Variants in TMEM41B observed in about 807,000 individuals in gnomAD.
TMEM41B encodes transmembrane protein 41B.
A neutral mutation model predicts 31.9 loss-of-function variants in TMEM41B; 18 were observed. That is an observed-to-expected ratio of 0.56 (90% CI 0.39 to 0.84). The LOEUF is 0.84. TMEM41B is among the 40% of genes least tolerant of loss of function. The pLI is 0.00. For missense variants in TMEM41B, 322 were observed against 348.0 expected, an observed-to-expected ratio of 0.93 and a Z score of 0.59; for synonymous variants, 144 against 124.3, an observed-to-expected ratio of 1.16 and a Z score of -1.05.
In TMEM41B at chr11:9,282,116, G is replaced by A. The variant is rs995551771; in HGVS notation, c.*1308C>T. 9.2e-5 allele frequency: 14 copies of A among 152,258 alleles called. No homozygotes were observed. Among genetic ancestry groups the A allele is most frequent in the African/African-American group, 3.4e-4 (14 of 41,550 alleles). 9.4% of individuals were successfully genotyped at this position (152,258 alleles called of 1,614,324 possible). ...TACCAGGCTGGGCACAGTGGCTCATGCCTGTAATCCCAGCACTTTGGGAGG... is the reference window on the plus strand; with the variant it reads ...TACCAGGCTGGGCACAGTGGCTCATACCTGTAATCCCAGCACTTTGGGAGG... On this transcript the variant is annotated 3_prime_UTR_variant, in exon 7 of 7. Transcript: ENST00000528080.
chr11:9,313,677 T>C (rs1330436876), intron 1 of TMEM41B, among the ~76,000 whole-genome samples: 20 of 152,224 alleles, frequency 1.3e-4, no homozygotes, highest in East Asian at 1.9e-4. Flanking sequence ...TAATTGCTAA[T>C]ATTTATTTAG....
At chr11:9,299,325 T>TACATACAC (rs1554943934) in intron 2 of TMEM41B, among the ~76,000 whole-genome samples, 19 of 123,150 alleles carry the variant, frequency 1.5e-4, no homozygotes, top group Admixed American at 7.3e-4. Context: ...TATACATACA[T>TACATACAC]ACACACACAC....
intron 1 of TMEM41B, among the ~76,000 whole-genome samples, chr11:9,312,725 G>T (rs1409948598): frequency 2.6e-5 from 4 of 152,022 alleles, no homozygotes; most frequent in Non-Finnish European, 5.9e-5. Flanking sequence ...CTAACAAGGT[G>T]AAACCCCATC....
chr11:9,285,081 CTTCT>C (rs1363457063), intron 6 of TMEM41B, among the ~76,000 whole-genome samples: 12 of 141,902 alleles, frequency 8.5e-5, no homozygotes, highest in South Asian at 2.2e-4. Context: ...TCATTCTTTC[CTTCT>C]TTCTTTTTTT....
At chr11:9,291,102 T>C (rs951066186) in intron 3 of TMEM41B, among the ~76,000 whole-genome samples, 36 of 151,692 alleles carry the variant, frequency 2.4e-4, no homozygotes, top group Non-Finnish European at 1.6e-4. Context: ...GGAAATAGAG[T>C]GAGACTCTGT....
At chr11:9,290,963 A>G (rs548019093) in intron 3 of TMEM41B, among the ~76,000 whole-genome samples, 7 of 152,206 alleles carry the variant, frequency 4.6e-5, no homozygotes, top group African/African-American at 1.4e-4. Flanking sequence ...TAAAAATACA[A>G]AAATTGGCCA....
Position 9,310,281 on chromosome 11 carries a change from G to A in TMEM41B, c.121+4040C>T, listed in dbSNP as rs182748783. Among the ~76,000 whole-genome samples, 317 of 151,736 alleles carry A rather than the reference G, an allele frequency of 2.1e-3. 1 individual carries two copies. The highest frequency in any genetic ancestry group is 6.2e-3 in the African/African-American group (256 of 41,398). ...GAACTCCTGACCTCATGTTCCGCCCGCCTCGGCCTCCCAAAGTGCTGGGAT... is the reference window on the plus strand; with the variant it reads ...GAACTCCTGACCTCATGTTCCGCCCACCTCGGCCTCCCAAAGTGCTGGGAT... On this transcript the variant is annotated intron_variant, in intron 1 of 6. Coordinates refer to ENST00000528080, the MANE Select transcript of TMEM41B (RefSeq NM_015012.4).
At chr11:9,310,650 G>C (rs905317162) in intron 1 of TMEM41B, among the ~76,000 whole-genome samples, 1 of 120,878 alleles carries the variant, frequency 8.3e-6, no homozygotes, top group Non-Finnish European at 1.6e-5. Context: ...ATTAGGTTAA[G>C]AGCCCTTTTT....
At chr11:9,297,451 T>A (rs1280673135) in intron 2 of TMEM41B, among the ~76,000 whole-genome samples, 1 of 152,094 alleles carries the variant, frequency 6.6e-6, no homozygotes, top group Non-Finnish European at 1.5e-5. Flanking sequence ...CCCAGCACTT[T>A]GGCAGGCCGA....
intron 1 of TMEM41B, among the ~76,000 whole-genome samples, chr11:9,303,661 T>C (rs1168098659): frequency 7.0e-6 from 1 of 142,264 alleles, no homozygotes; most frequent in African/African-American, 2.6e-5. Flanking sequence ...TTTTTTTTTT[T>C]TTTTTTTTTT....
intron 3 of TMEM41B, among the ~76,000 whole-genome samples, chr11:9,289,419 C>T (rs1460573289): frequency 1.3e-5 from 2 of 151,908 alleles, no homozygotes; most frequent in African/African-American, 4.8e-5. Context: ...ATTCCCTCAA[C>T]ATCTCTCCAT....
At position 9,281,943 on chromosome 11, in the gene TMEM41B, AC is replaced by A. The variant is rs1452546654; in HGVS notation, c.*1480del. On this transcript the variant is annotated 3_prime_UTR_variant, in exon 7 of 7. Coordinates refer to ENST00000528080, the MANE Select transcript of TMEM41B (RefSeq NM_015012.4). ...AAAATTTAGTCATTGGAACAAATAAACTATATTTAATCACTTGTGTTTTGCT... is the reference window on the plus strand; with the variant it reads ...AAAATTTAGTCATTGGAACAAATAAATATATTTAATCACTTGTGTTTTGCT... 1.3e-5 allele frequency: 2 copies of A among 152,224 alleles called. No individual in the cohort carries two copies. Among genetic ancestry groups the A allele is most frequent in the East Asian group, 3.8e-4 (2 of 5,206 alleles). The allele number at this position is 152,224 out of a possible 1,614,324, so 9.4% of individuals were successfully genotyped here.
In TMEM41B at chr11:9,314,403, G is replaced by T. The variant is rs771396511; in HGVS notation, c.39C>A (p.Gly13=). The stretch of plus-strand genomic sequence containing the variant: ...CCCCCACGGGGGTCGTGTGGTGAGC[G>T]CCCAACTGCGATCGTTCGGCGACTC... ...KGRVAERSQL[G]AHHTTPVGDG... Residue 13 remains glycine, a synonymous_variant, in exon 1 of 7, where the codon GGC becomes GGA. Coordinates refer to ENST00000528080, the MANE Select transcript of TMEM41B (RefSeq NM_015012.4). The T allele has an allele frequency of 7.0e-6, 11 of 1,567,980 alleles. No homozygotes were observed. Among genetic ancestry groups the T allele is most frequent in the Non-Finnish European group, 9.5e-6 (11 of 1,156,554 alleles).
chr11:9,306,468 G>T (rs980541312), intron 1 of TMEM41B, among the ~76,000 whole-genome samples: 3 of 151,892 alleles, frequency 2.0e-5, no homozygotes, highest in Non-Finnish European at 4.4e-5. Context: ...GGATCATGAG[G>T]TCAGGAGATC....
At chr11:9,299,106 C>G (rs1248155677) in intron 2 of TMEM41B, among the ~76,000 whole-genome samples, 1 of 151,462 alleles carries the variant, frequency 6.6e-6, no homozygotes, top group East Asian at 1.9e-4. Context: ...CATGGTGAAA[C>G]CCCGTCTCTA....
chr11:9,302,910 T>C (rs1853291825), intron 1 of TMEM41B, among the ~76,000 whole-genome samples: 1 of 100,132 alleles, frequency 1.0e-5, no homozygotes, highest in African/African-American at 3.9e-5. Flanking sequence ...CTCAAGAAAC[T>C]CAGTCAGGAG....
intron 1 of TMEM41B, among the ~76,000 whole-genome samples, chr11:9,304,819 A>T (rs868385617): frequency 3.7e-4 from 56 of 152,064 alleles, no homozygotes; most frequent in African/African-American, 1.3e-3. Flanking sequence ...CACCATGCCC[A>T]GATAATTTTT....
intron 4 of TMEM41B, 65 bp from the exon 5 acceptor site, chr11:9,287,871 C>T: frequency 8.5e-7 from 1 of 1,179,544 alleles, no homozygotes; most frequent in Non-Finnish European, 1.2e-6. Context: ...GATTTATTCA[C>T]CTGAGTAAAA....
At chr11:9,307,448 C>CT (rs34810386) in intron 1 of TMEM41B, among the ~76,000 whole-genome samples, 57,886 of 147,010 alleles carry the variant, frequency 0.39, 11,919 homozygotes, top group East Asian at 0.5. Flanking sequence ...AAAATAAAAT[C>CT]TTTTTTTTTT....
Sources: allele counts gnomAD v4.1 joint callset (sites outside exome capture counted in the v4.1 genomes callset), GRCh38; gene constraint gnomAD v4.1.1; transcripts MANE v1.5; gene names NCBI Gene and HGNC (gene_info 2026-07-23, HGNC 2026-07-21).